Variants in LAMC1 observed in about 807,000 individuals in gnomAD.
LAMC1 encodes the protein laminin subunit gamma 1.
LAMC1 carries 38 observed loss-of-function variants against 173.6 expected under a neutral mutation model. That is an observed-to-expected ratio of 0.22 (90% CI 0.17 to 0.29). The LOEUF (loss-of-function observed/expected upper bound fraction) is 0.29. LAMC1 is among the 10% of genes least tolerant of loss of function. The pLI, the probability that LAMC1 is intolerant of heterozygous loss-of-function variation, is 1.00. For missense variants in LAMC1, 1,824 were observed against 2,051.8 expected (o/e 0.89, Z 2.14); for synonymous variants, 746 against 749.1 (o/e 1.00, Z 0.07).
chr1:183,130,842 G>A (rs910116357), intron 19 of LAMC1, among the ~76,000 whole-genome samples: 2 of 152,120 alleles, frequency 1.3e-5, no homozygotes, highest in Admixed American at 1.3e-4. Context: ...CTGCAATCAA[G>A]GGTGCTGATA....
intron 1 of LAMC1, among the ~76,000 whole-genome samples, chr1:183,069,449 A>G (rs1195344840): frequency 6.6e-6 from 1 of 152,194 alleles, no homozygotes; most frequent in Non-Finnish European, 1.5e-5. Flanking sequence ...GGAAAGGTAA[A>G]AGTTAAGTCA....
At chr1:183,044,656 T>C (rs970664125) in intron 1 of LAMC1, among the ~76,000 whole-genome samples, 10 of 152,102 alleles carry the variant, frequency 6.6e-5, no homozygotes, top group Admixed American at 4.6e-4. Context: ...GCCACGGAGC[T>C]ATTTCCTCAA....
intron 18 of LAMC1, 195 bp downstream of exon 18, chr1:183,128,945 G>A (rs1656703300): frequency 8.8e-6 from 3 of 339,090 alleles, no homozygotes; most frequent in Admixed American, 4.5e-5. Context: ...GCTACAGTAA[G>A]CATAGGGTGA....
intron 1 of LAMC1, among the ~76,000 whole-genome samples, chr1:183,057,438 T>C (rs1654627212): frequency 6.6e-6 from 1 of 152,192 alleles, no homozygotes; most frequent in East Asian, 1.9e-4. Flanking sequence ...TTCCTGACTA[T>C]CCCAAACCAT....
chr1:183,023,926 G>A lies in LAMC1; in HGVS notation c.210G>A (p.Gly70=), dbSNP rs750950823. The part of the protein sequence containing the change: ...NVTVVATNTC[G]TPPEEYCVQT... ...CTGTGGTGGCCACCAACACGTGTGG[G>A]ACTCCGCCCGAGGAATACTGTGTGC... Residue 70 remains glycine (G), a synonymous_variant, in exon 1 of 28, where the codon GGG becomes GGA. Transcript: ENST00000258341. The A allele has an allele frequency of 9.3e-6, 15 of 1,613,088 alleles. No homozygotes were observed. In the South Asian group the frequency reaches 1.4e-4, roughly 15 times the overall value.
intron 2 of LAMC1, among the ~76,000 whole-genome samples, chr1:183,104,067 C>T (rs1488018239): frequency 6.6e-6 from 1 of 152,006 alleles, no homozygotes; most frequent in Non-Finnish European, 1.5e-5. Flanking sequence ...AAAGGGGAAC[C>T]GTTGAAGCAA....
At chr1:183,024,432 C>CT (rs1057361824) in intron 1 of LAMC1, among the ~76,000 whole-genome samples, 3 of 152,074 alleles carry the variant, frequency 2.0e-5, no homozygotes, top group South Asian at 2.1e-4. Flanking sequence ...TGATTTCCCC[C>CT]TTTTTTTTCT....
At chr1:183,112,144 T>A (rs1443286589) in intron 4 of LAMC1, among the ~76,000 whole-genome samples, 1 of 152,216 alleles carries the variant, frequency 6.6e-6, no homozygotes, top group Non-Finnish European at 1.5e-5. Context: ...GATTTTCTTA[T>A]TCATCTTTTC....
intron 1 of LAMC1, among the ~76,000 whole-genome samples, chr1:183,041,534 G>C (rs1291124147): frequency 6.6e-6 from 1 of 152,130 alleles, no homozygotes; most frequent in Non-Finnish European, 1.5e-5. Flanking sequence ...TAGGATGTGA[G>C]GGGTGCTATA....
chr1:183,117,432 C>T lies in LAMC1; in HGVS notation c.1677C>T (p.Phe559=), dbSNP rs764632517. Residue 559 remains phenylalanine, a synonymous_variant, in exon 9 of 28, where the codon TTC becomes TTT. Transcript: ENST00000258341. ...CAGACAGCTACTTTCCTCGGTACTTCATTGCTCCTGGTAAGTAAGGCTAGA... is the reference window on the plus strand; with the variant it reads ...CAGACAGCTACTTTCCTCGGTACTTTATTGCTCCTGGTAAGTAAGGCTAGA... ...VISDSYFPRY[F]IAPAKFLGKQ... The T allele has an allele frequency of 1.4e-5, 22 of 1,613,224 alleles. No individual in the cohort carries two copies. The East Asian group carries it at 4.5e-4, about 33-fold the overall frequency.
chr1:183,119,192 C>G (rs568849826), intron 11 of LAMC1, among the ~76,000 whole-genome samples: 1 of 152,016 alleles, frequency 6.6e-6, no homozygotes, highest in Non-Finnish European at 1.5e-5. Context: ...CCCCTGCACC[C>G]GGTCAAAATT....
intron 1 of LAMC1, among the ~76,000 whole-genome samples, chr1:183,073,703 T>C (rs777622770): frequency 1.3e-5 from 2 of 152,132 alleles, no homozygotes; most frequent in Non-Finnish European, 1.5e-5. Context: ...CATATATATG[T>C]GTATGTCTGT....
In LAMC1 at chr1:183,124,663, T is replaced by G; in HGVS notation, c.2434T>G (p.Phe812Val). ...ATGTGAGCTCTGTGATGATGGCTAC[T>G]TTGGAGACCCCCTGGGTAGAAACGG... The part of the protein sequence containing the change: ...KRCELCDDGY[F>V]GDPLGRNGPV... Residue 812 changes from phenylalanine to valine, a missense_variant, in exon 14 of 28, where the codon TTT becomes GTT. Physicochemically the swap from Phe to Val is conservative, Grantham distance 50. Coordinates refer to ENST00000258341, the MANE Select transcript of LAMC1 (RefSeq NM_002293.4). 1.2e-6 allele frequency: 2 copies of G among 1,614,218 alleles called. No homozygotes were observed. The highest frequency in any genetic ancestry group is 1.7e-6 in the Non-Finnish European group (2 of 1,180,026).
chr1:183,112,755 A>G (rs57922334), intron 4 of LAMC1, among the ~76,000 whole-genome samples: 3,679 of 152,250 alleles, frequency 0.024, 185 homozygotes, highest in East Asian at 0.23. Context: ...AGAAATAGCT[A>G]ATGAAGGAAG....
intron 24 of LAMC1, 130 bp downstream of exon 24, chr1:183,135,286 A>G (rs898392105): frequency 1.6e-6 from 1 of 639,572 alleles, no homozygotes; most frequent in Non-Finnish European, 2.8e-6. Context: ...AAGTATTTCA[A>G]AGGGAAATCC....
chr1:183,122,328 T>C (rs1369786623), intron 13 of LAMC1, 77 bp downstream of exon 13: 1 of 1,355,748 alleles, frequency 7.4e-7, no homozygotes, highest in East Asian at 2.3e-5. Context: ...TCGGAGTTGT[T>C]TTGGATCTTT....
intron 17 of LAMC1, 32 bp from the exon 18 acceptor site, chr1:183,128,562 A>G (rs767236128): frequency 1.9e-6 from 3 of 1,590,478 alleles, no homozygotes; most frequent in African/African-American, 1.3e-5. Context: ...TGTGTGTCCT[A>G]CCTTTCCCTT....
intron 1 of LAMC1, among the ~76,000 whole-genome samples, chr1:183,086,129 T>G (rs1655420728): frequency 6.6e-6 from 1 of 152,216 alleles, no homozygotes. Flanking sequence ...TTATACTATA[T>G]AGTAGACTTG....
At position 183,140,326 on chromosome 1, in the gene LAMC1, G is replaced by A. The variant is rs1349205887; in HGVS notation, c.4474-78G>A. On this transcript the variant is annotated intron_variant, in intron 26 of 27. Transcript: ENST00000258341. ...GGAAGAAAATCTGGAAATTAGATTT[G>A]TTGGGTCATTGGGAAAAAAGATTTA... 2.7e-5 allele frequency: 16 copies of A among 584,394 alleles called. No homozygotes were observed. The South Asian group carries it at 4.3e-4, about 16-fold the overall frequency. 36.2% of individuals were successfully genotyped at this position (584,394 alleles called of 1,614,324 possible). A position where few individuals can be genotyped will look rare whatever the true frequency, so the allele number is the denominator to read the frequency against.
Sources: allele counts gnomAD v4.1 joint callset (sites outside exome capture counted in the v4.1 genomes callset), GRCh38; gene constraint gnomAD v4.1.1; transcripts MANE v1.5; gene names NCBI Gene and HGNC (gene_info 2026-07-23, HGNC 2026-07-21).